Variants in PCDHA8 observed in about 807,000 individuals in gnomAD.
PCDHA8 encodes the protein protocadherin alpha 8, also known as protocadherin alpha-8.
Under a neutral mutation model 61.8 loss-of-function variants are expected in PCDHA8, and 53 were observed. The ratio of observed to expected loss-of-function variants is 0.86; its 90% CI spans 0.69 to 1.08. The LOEUF is 1.08. PCDHA8 is among the 50% of genes least tolerant of loss of function. The pLI is 0.00. For synonymous variants in PCDHA8, 618 were observed against 556.6 expected, an observed-to-expected ratio of 1.11 and a Z score of -1.55; for missense variants, 1,293 against 1,245.0, an observed-to-expected ratio of 1.04 and a Z score of -0.58.
chr5:140,856,592 A>G lies in PCDHA8; in HGVS notation c.2394+12877A>G, dbSNP rs782076669. The G allele has an allele frequency of 1.2e-5, 19 of 1,597,836 alleles. 1 individual carries two copies. The highest frequency in any genetic ancestry group is 8.6e-6 in the Non-Finnish European group (10 of 1,167,414). On this transcript the variant is annotated intron_variant, in intron 1 of 3. Transcript: ENST00000531613. ...AAATGAGTATTTTGTTCTTGATATTATAAACAAAAAAGACAAAGACAAATT... is the reference window on the plus strand; with the variant it reads ...AAATGAGTATTTTGTTCTTGATATTGTAAACAAAAAAGACAAAGACAAATT...
At chr5:140,857,673 C>T (rs372854727) in intron 1 of PCDHA8, 3 of 1,596,826 alleles carry the variant, frequency 1.9e-6, no homozygotes, top group Non-Finnish European at 2.6e-6. Context: ...GGGGGCGTGC[C>T]GCCTCTGGGC....
At chr5:140,950,608 T>G (rs1490243292) in intron 1 of PCDHA8, among the ~76,000 whole-genome samples, 1 of 152,086 alleles carries the variant, frequency 6.6e-6, no homozygotes, top group Non-Finnish European at 1.5e-5. Context: ...GACTATGATG[T>G]GCTTATTTAT....
At chr5:140,952,301 T>C (rs246036) in intron 1 of PCDHA8, among the ~76,000 whole-genome samples, 3 of 149,380 alleles carry the variant, frequency 2.0e-5, no homozygotes. Flanking sequence ...CACAGCCATT[T>C]CACTCCAGCC....
intron 1 of PCDHA8, among the ~76,000 whole-genome samples, chr5:140,965,384 A>C (rs1275113616): frequency 6.6e-6 from 1 of 152,222 alleles, no homozygotes; most frequent in Non-Finnish European, 1.5e-5. Flanking sequence ...GGGACACAGA[A>C]GAACAGAAGT....
chr5:140,941,191 T>TTTCTTTCTTTCTTTCTTTCTTTC (rs1487503403), intron 1 of PCDHA8, among the ~76,000 whole-genome samples: 1 of 93,206 alleles, frequency 1.1e-5, no homozygotes, highest in South Asian at 2.8e-4. Flanking sequence ...GCTTCTTTTT[T>TTTCTTTCTTTCTTTCTTTCTTTC]TTTCTTTCTT....
chr5:140,990,671 C>T (rs2097406151), intron 3 of PCDHA8, among the ~76,000 whole-genome samples: 2 of 152,176 alleles, frequency 1.3e-5, no homozygotes, highest in South Asian at 4.1e-4. Flanking sequence ...ATTAGATGCA[C>T]ACCAAGCTGC....
chr5:140,936,003 C>T (rs1362734996), intron 1 of PCDHA8, among the ~76,000 whole-genome samples: 22 of 151,556 alleles, frequency 1.5e-4, no homozygotes, highest in Non-Finnish European at 1.5e-4. Context: ...AGCGATTCTC[C>T]CACCTCAGCC....
chr5:140,939,551 G>A (rs2092410878), intron 1 of PCDHA8, among the ~76,000 whole-genome samples: 1 of 151,156 alleles, frequency 6.6e-6, no homozygotes, highest in African/African-American at 2.5e-5. Flanking sequence ...ATTTCTTGTT[G>A]TATTAGTTTG....
At position 140,842,571 on chromosome 5, in the gene PCDHA8, G is replaced by T. The variant is rs1554139191; in HGVS notation, c.1250G>T (p.Arg417Ile). The change falls in exon 1 of 4, where the codon AGA becomes ATA. Residue 417 changes from arginine (R) to isoleucine (I), a missense_variant. Physicochemically the swap from Arg to Ile is moderately conservative, Grantham distance 97. Transcript: ENST00000531613. ...LVLDSALDRE[R>I]VSAYELVVTA... Reference sequence around the variant, plus strand: ...CTGGACAGCGCCCTGGACCGCGAGAGAGTGTCGGCCTATGAGTTGGTGGTA... The same window carrying T: ...CTGGACAGCGCCCTGGACCGCGAGATAGTGTCGGCCTATGAGTTGGTGGTA... 2 of 1,508,202 alleles carry T rather than the reference G, an allele frequency of 1.3e-6. No individual in the cohort carries two copies. The highest frequency in any genetic ancestry group is 1.5e-5 in the African/African-American group (1 of 68,202). 93.4% of individuals were successfully genotyped at this position (1,508,202 alleles called of 1,614,324 possible).
intron 1 of PCDHA8, chr5:140,850,234 TGGTGCTGCGGTC>T (rs1344981647): frequency 6.3e-7 from 1 of 1,593,808 alleles, no homozygotes; most frequent in East Asian, 2.2e-5. Flanking sequence ...GTGAGCGAGA[TGGTGCTGCGGTC>T]GGTGGGCGCC....
rs139167552 is a variant in PCDHA8, at chr5:140,939,382, C to T, written c.2395-39567C>T. On this transcript the variant is annotated intron_variant, in intron 1 of 3. Coordinates refer to ENST00000531613, the MANE Select transcript of PCDHA8 (RefSeq NM_018911.3). ...CAAAGGAGGAGGGAACACAAACATT[C>T]AGATCATAGCAAGTTTGTGTAAATC... 3.9e-5 allele frequency among the ~76,000 whole-genome samples: 6 copies of T among 152,258 alleles called. No homozygotes were observed. The East Asian group carries it at 1.2e-3, about 29-fold the overall frequency.
intron 1 of PCDHA8, among the ~76,000 whole-genome samples, chr5:140,908,560 C>T (rs1562965261): frequency 6.6e-6 from 1 of 152,198 alleles, no homozygotes; most frequent in Non-Finnish European, 1.5e-5. Context: ...AGGCCAAGAG[C>T]TGTCTCTCAA....
At chr5:140,982,625 T>C in intron 3 of PCDHA8, 62 bp downstream of exon 3, 1 of 1,582,614 alleles carries the variant, frequency 6.3e-7, no homozygotes, top group South Asian at 1.2e-5. Context: ...ATGACCTACT[T>C]TTGTAAGATC....
Position 140,969,539 on chromosome 5 carries a change from A to G in PCDHA8, c.2395-9410A>G, listed in dbSNP as rs551546462. ...GAATTGTTTTATTTTTCATTTTCAGAGGCATGAAGCCTTGTCCATAAAATT... is the reference window on the plus strand; with the variant it reads ...GAATTGTTTTATTTTTCATTTTCAGGGGCATGAAGCCTTGTCCATAAAATT... On this transcript the variant is annotated intron_variant, in intron 1 of 3. Transcript: ENST00000531613. The G allele has an allele frequency of 2.3e-6, 3 of 1,303,614 alleles. No individual in the cohort carries two copies. The Admixed American group carries it at 8.5e-5, about 37-fold the overall frequency. 80.8% of individuals were successfully genotyped at this position (1,303,614 alleles called of 1,614,324 possible).
Position 140,842,584 on chromosome 5 carries a change from T to A in PCDHA8, c.1263T>A (p.Tyr421Ter). 6.6e-7 allele frequency: 1 copy of A among 1,519,626 alleles called. No homozygotes were observed. Among genetic ancestry groups the A allele is most frequent in the Non-Finnish European group, 8.9e-7 (1 of 1,117,482 alleles). The allele number at this position is 1,519,626 out of a possible 1,614,324, so 94.1% of individuals were successfully genotyped here. A position where few individuals can be genotyped will look rare whatever the true frequency, so the allele number is the denominator to read the frequency against. The change falls in exon 1 of 4, where the codon TAT becomes TAA. Residue 421 changes from tyrosine (Y) to a stop codon, truncating the protein, a stop_gained. Coordinates refer to ENST00000531613, the MANE Select transcript of PCDHA8 (RefSeq NM_018911.3). LOFTEE classifies it high-confidence loss of function. ...SALDRERVSA[Y>*]ELVVTARDGG... ...TGGACCGCGAGAGAGTGTCGGCCTATGAGTTGGTGGTAACCGCGCGGGACG... is the reference window on the plus strand; with the variant it reads ...TGGACCGCGAGAGAGTGTCGGCCTAAGAGTTGGTGGTAACCGCGCGGGACG...
At position 140,852,858 on chromosome 5, in the gene PCDHA8, A is replaced by G; in HGVS notation, c.2394+9143A>G. ...TAGAGCTAGTACTTACTAAGCATTT[A>G]CTATGTCATCAATAATCATAAAACG... On this transcript the variant is annotated intron_variant, in intron 1 of 3. Transcript: ENST00000531613. 4 of 962,678 alleles carry G rather than the reference A, an allele frequency of 4.2e-6. 1 individual carries two copies. The highest frequency in any genetic ancestry group is 5.0e-6 in the Non-Finnish European group (4 of 796,824). The allele number at this position is 962,678 out of a possible 1,614,324, so 59.6% of individuals were successfully genotyped here. A position where few individuals can be genotyped will look rare whatever the true frequency, so the allele number is the denominator to read the frequency against.
intron 1 of PCDHA8, among the ~76,000 whole-genome samples, chr5:140,975,438 A>T (rs1436743661): frequency 5.9e-5 from 9 of 152,234 alleles, no homozygotes; most frequent in African/African-American, 1.7e-4. Flanking sequence ...ACACCAGGAT[A>T]TAGGGATCTT....
chr5:140,901,917 T>C (rs776284320), intron 1 of PCDHA8, among the ~76,000 whole-genome samples: 15 of 152,090 alleles, frequency 9.9e-5, no homozygotes, highest in Admixed American at 4.6e-4. Context: ...ATCTTTCACT[T>C]CTTTGGTTAA....
chr5:140,882,218 G>A, intron 1 of PCDHA8: 5 of 1,545,760 alleles, frequency 3.2e-6, no homozygotes, highest in Non-Finnish European at 4.4e-6. Flanking sequence ...GACAGTTTGA[G>A]GTAAGGCGTT....
Sources: gnomAD v4.1 joint callset for allele counts (sites outside exome capture counted in the v4.1 genomes callset) on GRCh38, gnomAD v4.1.1 for gene constraint, MANE v1.5 for transcripts, NCBI Gene and HGNC (gene_info 2026-07-23, HGNC 2026-07-21) for gene names.